The following NIM1K variants were observed in gnomAD, a reference collection of about 807,000 sequenced individuals.
NIM1K encodes the protein NIM1 serine/threonine protein kinase.
In NIM1K, 35 loss-of-function variants were observed where a neutral mutation model predicts 37.1. That is an observed-to-expected ratio of 0.94 (90% confidence interval 0.72 to 1.25). The LOEUF (loss-of-function observed/expected upper bound fraction) is 1.25, where lower values mean the gene tolerates loss of function less well. Among genes scored for constraint, NIM1K ranks in the 50% most tolerant of loss-of-function variants. The probability of loss-of-function intolerance (pLI) is 0.00; values close to 1 mark genes in which losing one functional copy is unlikely to be tolerated. For missense variants in NIM1K, 564 were observed against 548.0 expected, an observed-to-expected ratio of 1.03 and a Z score of -0.29; for synonymous variants, 234 against 206.6, an observed-to-expected ratio of 1.13 and a Z score of -1.14.
intron 2 of NIM1K, among the ~76,000 whole-genome samples, chr5:43,262,430 A>G (rs1753045670): frequency 6.6e-6 from 1 of 152,088 alleles, no homozygotes; most frequent in South Asian, 2.1e-4. Context: ...TGGTAGAGGA[A>G]TGCTTGTGAT....
chr5:43,198,207 C>CTTTCTTCTT (rs1281355308), intron 1 of NIM1K, among the ~76,000 whole-genome samples: 15 of 48,874 alleles, frequency 3.1e-4, no homozygotes, highest in African/African-American at 1.2e-3. Flanking sequence ...TTCTTTCTTT[C>CTTTCTTCTT]TCTTTCTTTC....
intron 2 of NIM1K, among the ~76,000 whole-genome samples, chr5:43,262,415 G>C (rs1753045274): frequency 6.6e-6 from 1 of 152,104 alleles, no homozygotes; most frequent in Non-Finnish European, 1.5e-5. Flanking sequence ...CTCTTTGTCT[G>C]TTATTGGTAG....
At chr5:43,196,634 C>CA (rs951464507) in intron 1 of NIM1K, among the ~76,000 whole-genome samples, 14 of 146,006 alleles carry the variant, frequency 9.6e-5, no homozygotes, top group Non-Finnish European at 1.8e-4. Context: ...GACTCTGTCT[C>CA]AAAAATAAAT....
intron 1 of NIM1K, among the ~76,000 whole-genome samples, chr5:43,230,658 C>T (rs6451680): frequency 6.6e-5 from 10 of 152,284 alleles, no homozygotes; most frequent in African/African-American, 2.4e-4. Flanking sequence ...GGGGCAGGGC[C>T]TAGACTTCTG....
chr5:43,215,955 ATGGTTTTCCT>A (rs1752293364), intron 1 of NIM1K, among the ~76,000 whole-genome samples: 1 of 152,078 alleles, frequency 6.6e-6, no homozygotes, highest in Non-Finnish European at 1.5e-5. Flanking sequence ...TACATAATTT[ATGGTTTTCCT>A]GGCTCCCCAG....
rs959317345 is a variant in NIM1K, at chr5:43,212,168, A to G, written c.-695+19757A>G. ...TGTGGGATCCCAGGATGGAAATGTAAAAGGATTGGGGTGGTGTGGAAGTGG... is the reference window on the plus strand; with the variant it reads ...TGTGGGATCCCAGGATGGAAATGTAGAAGGATTGGGGTGGTGTGGAAGTGG... On this transcript the variant is annotated intron_variant, in intron 1 of 3. Transcript: ENST00000326035. Among the ~76,000 whole-genome samples the G allele has an allele frequency of 5.9e-5, 9 of 152,200 alleles. No individual in the cohort carries two copies. In the East Asian group the frequency reaches 1.7e-3, roughly 29 times the overall value.
chr5:43,216,903 G>C (rs1050314854), intron 1 of NIM1K, among the ~76,000 whole-genome samples: 6 of 152,164 alleles, frequency 3.9e-5, no homozygotes, highest in African/African-American at 1.4e-4. Context: ...CCGCTGGATG[G>C]ATGGTTTGCA....
chr5:43,245,120 G>C lies in NIM1K; in HGVS notation c.-656G>C, dbSNP rs1215054092. ...AATTTTCGAGACAGCTCACGGCTTA[G>C]AGGAAGGTTCATCTAAATAAAGGCC... On this transcript the variant is annotated 5_prime_UTR_variant, in exon 2 of 4. Coordinates refer to ENST00000326035, the MANE Select transcript of NIM1K (RefSeq NM_153361.4). The C allele has an allele frequency of 6.6e-6, 1 of 152,240 alleles. No individual in the cohort carries two copies. Among genetic ancestry groups the C allele is most frequent in the African/African-American group, 2.4e-5 (1 of 41,454 alleles). The allele number at this position is 152,240 out of a possible 1,614,324, so 9.4% of individuals were successfully genotyped here.
intron 3 of NIM1K, among the ~76,000 whole-genome samples, 186 bp downstream of exon 3, chr5:43,277,511 T>A (rs1440138752): frequency 1.3e-5 from 2 of 152,100 alleles, no homozygotes; most frequent in African/African-American, 4.8e-5. Flanking sequence ...CATCCAGGGA[T>A]GTCCAGTTAC....
In NIM1K at chr5:43,269,888, G is replaced by C. The variant is rs573202778; in HGVS notation, c.293-7169G>C. Among the ~76,000 whole-genome samples the C allele has an allele frequency of 2.6e-5, 4 of 152,240 alleles. No individual in the cohort carries two copies. The South Asian group carries it at 8.3e-4, about 32-fold the overall frequency. On this transcript the variant is annotated intron_variant, in intron 2 of 3. Transcript: ENST00000326035. The stretch of plus-strand genomic sequence containing the variant: ...CCCCCTTGGCCTCCCAAAGTGCTGG[G>C]ATTACAGGTGTGAGCCACCGTGCCC...
intron 2 of NIM1K, among the ~76,000 whole-genome samples, chr5:43,269,803 A>C (rs951414468): frequency 2.0e-5 from 3 of 152,076 alleles, no homozygotes; most frequent in Non-Finnish European, 4.4e-5. Context: ...TATTTTTAGT[A>C]GAGACGGGGT....
intron 1 of NIM1K, among the ~76,000 whole-genome samples, chr5:43,236,547 T>C (rs1348746393): frequency 6.6e-6 from 1 of 152,278 alleles, no homozygotes; most frequent in Non-Finnish European, 1.5e-5. Context: ...CTGGCGAAAG[T>C]AAACCTGCAT....
intron 1 of NIM1K, among the ~76,000 whole-genome samples, chr5:43,241,333 CT>C (rs56409754): frequency 0.81 from 108,906 of 135,230 alleles, 43,468 homozygotes; most frequent in East Asian, 0.95. Context: ...TTTTCTTTTT[CT>C]TTTTTTTTTT....
intron 1 of NIM1K, among the ~76,000 whole-genome samples, chr5:43,240,601 T>C (rs1315463498): frequency 2.0e-5 from 3 of 150,806 alleles, no homozygotes; most frequent in Non-Finnish European, 4.4e-5. Context: ...TGGAGTGCAG[T>C]GGCATGATCT....
intron 2 of NIM1K, among the ~76,000 whole-genome samples, chr5:43,255,286 C>A (rs1481074009): frequency 5.3e-5 from 8 of 152,214 alleles, no homozygotes; most frequent in Non-Finnish European, 8.8e-5. Context: ...TCAGCAAATA[C>A]TTGTTGAGCA....
chr5:43,265,846 A>T (rs143496109), intron 2 of NIM1K, among the ~76,000 whole-genome samples: 4,903 of 152,308 alleles, frequency 0.032, 295 homozygotes, highest in African/African-American at 0.11. Flanking sequence ...CTTCTAACAG[A>T]CAGGACCCTC....
At position 43,256,907 on chromosome 5, in the gene NIM1K, G is replaced by C. The variant is rs543770560; in HGVS notation, c.292+10840G>C. Among the ~76,000 whole-genome samples the C allele has an allele frequency of 1.0e-3, 156 of 152,172 alleles. 1 individual carries two copies. Among genetic ancestry groups the C allele is most frequent in the Non-Finnish European group, 1.9e-3 (132 of 67,934 alleles). ...CCCATTCTTCTACTAGGGTTTTCTA[G>C]GATCACCTCCCTCATAAACTGCTTG... On this transcript the variant is annotated intron_variant, in intron 2 of 3. Coordinates refer to ENST00000326035, the MANE Select transcript of NIM1K (RefSeq NM_153361.4).
chr5:43,203,403 T>C (rs908782390), intron 1 of NIM1K, among the ~76,000 whole-genome samples: 3 of 152,178 alleles, frequency 2.0e-5, no homozygotes, highest in Non-Finnish European at 2.9e-5. Flanking sequence ...CAATGAAAGG[T>C]GGCCAACTGT....
chr5:43,232,802 T>TGA lies in NIM1K; in HGVS notation c.-694-12280_-694-12279insGA. 5 of 1,075,426 alleles carry TGA rather than the reference T, an allele frequency of 4.6e-6. No individual in the cohort carries two copies. The Admixed American group carries it at 8.8e-5, about 19-fold the overall frequency. 66.6% of individuals were successfully genotyped at this position (1,075,426 alleles called of 1,614,324 possible). A position where few individuals can be genotyped will look rare whatever the true frequency, so the allele number is the denominator to read the frequency against. ...CGATCCATGCACTGTTCAGCCAGTT[T>TGA]ACAAATTTGGTCCAAAACGAGGTCA... is the stretch of plus-strand genomic sequence containing the variant. On this transcript the variant is annotated intron_variant, in intron 1 of 3. Transcript: ENST00000326035.
Sources: allele counts gnomAD v4.1 joint callset (sites outside exome capture counted in the v4.1 genomes callset), GRCh38; gene constraint gnomAD v4.1.1; transcripts MANE v1.5; gene names NCBI Gene and HGNC (gene_info 2026-07-23, HGNC 2026-07-21).